Variants in GRID2 observed in about 807,000 individuals in gnomAD.
The protein encoded by GRID2 is glutamate ionotropic receptor delta type subunit 2, also known as glutamate receptor ionotropic, delta-2.
GRID2 carries 33 observed loss-of-function variants against 114.8 expected under a neutral mutation model. The observed-to-expected ratio is 0.29, with a 90% CI of 0.22 to 0.38. The LOEUF is 0.38. GRID2 is among the 10% of genes least tolerant of loss of function. GRID2 has a pLI of 1.00. For missense variants in GRID2, 1,184 were observed against 1,257.7 expected, an observed-to-expected ratio of 0.94 and a Z score of 0.89; for synonymous variants, 505 against 449.9, an observed-to-expected ratio of 1.12 and a Z score of -1.55.
At chr4:92,713,609 C>T (rs1299084587) in intron 2 of GRID2, among the ~76,000 whole-genome samples, 1 of 149,142 alleles carries the variant, frequency 6.7e-6, no homozygotes, top group Non-Finnish European at 1.5e-5. Flanking sequence ...GGGCAATTTG[C>T]AAAAGAAAGA....
chr4:92,998,625 A>G (rs1755345777), intron 2 of GRID2, among the ~76,000 whole-genome samples: 1 of 151,630 alleles, frequency 6.6e-6, no homozygotes. Flanking sequence ...AGCTGAAATT[A>G]TTTACAGAAT....
chr4:92,306,557 GCTC>G (rs1402097064), intron 1 of GRID2, among the ~76,000 whole-genome samples: 1 of 152,172 alleles, frequency 6.6e-6, no homozygotes, highest in Non-Finnish European at 1.5e-5. Context: ...TCTGATGTAG[GCTC>G]CTCATCTCTC....
chr4:92,534,532 G>T (rs1268926941), intron 1 of GRID2, among the ~76,000 whole-genome samples: 1 of 152,144 alleles, frequency 6.6e-6, no homozygotes, highest in Non-Finnish European at 1.5e-5. Context: ...TACTTCTTAT[G>T]TGACCACAGG....
In GRID2 at chr4:92,418,564, G is replaced by A. The variant is rs1316537322; in HGVS notation, c.88+113820G>A. Among the ~76,000 whole-genome samples, 6 of 152,032 alleles carry A rather than the reference G, an allele frequency of 3.9e-5. No individual in the cohort carries two copies. In the East Asian group the frequency reaches 1.2e-3, roughly 29 times the overall value. ...AATGGTGGCATGGACAGAAAGAATT[G>A]GAGGCAGATCAGAGATTTAAATATG... On this transcript the variant is annotated intron_variant, in intron 1 of 15. Transcript: ENST00000282020.
chr4:93,577,735 A>G (rs565376307), intron 13 of GRID2, among the ~76,000 whole-genome samples: 10 of 152,314 alleles, frequency 6.6e-5, no homozygotes, highest in African/African-American at 9.6e-5. Context: ...ACTCCCCTTT[A>G]CAAAGTGAAA....
intron 4 of GRID2, among the ~76,000 whole-genome samples, chr4:93,124,099 A>G (rs1734047651): frequency 8.5e-6 from 1 of 118,162 alleles, no homozygotes; most frequent in Non-Finnish European, 1.7e-5. Flanking sequence ...TAAAACTTAA[A>G]GTATAATAAA....
At chr4:93,191,970 T>G (rs927277698) in intron 4 of GRID2, among the ~76,000 whole-genome samples, 2 of 152,230 alleles carry the variant, frequency 1.3e-5, no homozygotes, top group Non-Finnish European at 2.9e-5. Flanking sequence ...TTGTTCTTTT[T>G]ACACCTTCAC....
chr4:93,453,208 G>A (rs1722863019), intron 10 of GRID2, among the ~76,000 whole-genome samples: 1 of 151,316 alleles, frequency 6.6e-6, no homozygotes, highest in African/African-American at 2.4e-5. Flanking sequence ...ATATAAGTAA[G>A]GACTACCACA....
At chr4:93,009,830 C>T (rs1219810493) in intron 2 of GRID2, among the ~76,000 whole-genome samples, 1 of 152,028 alleles carries the variant, frequency 6.6e-6, no homozygotes, top group Non-Finnish European at 1.5e-5. Context: ...TGGTGAGATG[C>T]TTAAGCCTTT....
intron 2 of GRID2, among the ~76,000 whole-genome samples, chr4:92,923,585 T>C (rs1749545684): frequency 6.6e-6 from 1 of 152,174 alleles, no homozygotes; most frequent in Admixed American, 6.5e-5. Flanking sequence ...TTATTTTCTG[T>C]TATAAAAGCC....
At chr4:92,346,280 T>C (rs548977320) in intron 1 of GRID2, among the ~76,000 whole-genome samples, 1 of 152,308 alleles carries the variant, frequency 6.6e-6, no homozygotes, top group Non-Finnish European at 1.5e-5. Context: ...GAAATCAAAA[T>C]TTTATTCTCT....
At chr4:93,466,048 G>C (rs1724239933) in intron 11 of GRID2, among the ~76,000 whole-genome samples, 1 of 151,964 alleles carries the variant, frequency 6.6e-6, no homozygotes, top group Non-Finnish European at 1.5e-5. Flanking sequence ...TTAGGTTTTG[G>C]GGGGATTAAT....
intron 1 of GRID2, among the ~76,000 whole-genome samples, chr4:93,800,429 A>G (rs1466802914): frequency 6.6e-6 from 1 of 152,230 alleles, no homozygotes; most frequent in Non-Finnish European, 1.5e-5. Flanking sequence ...CCCAATTTCT[A>G]GAGATGTAAG....
intron 2 of GRID2, among the ~76,000 whole-genome samples, chr4:92,846,746 C>T (rs1194831856): frequency 3.3e-5 from 5 of 152,038 alleles, no homozygotes; most frequent in African/African-American, 1.2e-4. Flanking sequence ...AGATTGCACT[C>T]CAGTTTAAAT....
At chr4:93,190,541 T>G (rs1740881581) in intron 4 of GRID2, among the ~76,000 whole-genome samples, 1 of 152,160 alleles carries the variant, frequency 6.6e-6, no homozygotes, top group Non-Finnish European at 1.5e-5. Context: ...CATATCCAAC[T>G]CTCAACCCTA....
chr4:93,010,135 G>A (rs1462065696), intron 2 of GRID2, among the ~76,000 whole-genome samples: 1 of 151,692 alleles, frequency 6.6e-6, no homozygotes, highest in African/African-American at 2.4e-5. Context: ...TATTCACTTT[G>A]GTTTATTTGA....
intron 2 of GRID2, among the ~76,000 whole-genome samples, chr4:92,943,399 A>C (rs960551819): frequency 2.6e-5 from 4 of 152,126 alleles, no homozygotes; most frequent in Non-Finnish European, 1.5e-5. Flanking sequence ...CATTCATCAC[A>C]TAGTTCTCAT....
chr4:93,180,187 G>A (rs1272691822), intron 4 of GRID2, among the ~76,000 whole-genome samples: 2 of 151,838 alleles, frequency 1.3e-5, no homozygotes, highest in Non-Finnish European at 2.9e-5. Context: ...CCAAATACAG[G>A]CATATTTTGG....
rs540713653 is a variant in GRID2, at chr4:92,352,476, C to T, written c.88+47732C>T. ...TCCCATTCTGCAGGTGGTCCTTTCA[C>T]TTCGTTGATTGTTACGTTTTCTAGG... On this transcript the variant is annotated intron_variant, in intron 1 of 15. Transcript: ENST00000282020. 1.1e-4 allele frequency among the ~76,000 whole-genome samples: 16 copies of T among 151,892 alleles called. 1 individual carries two copies. In the South Asian group the frequency reaches 3.3e-3, roughly 31 times the overall value.
Sources: allele counts gnomAD v4.1 joint callset (sites outside exome capture counted in the v4.1 genomes callset), GRCh38; gene constraint gnomAD v4.1.1; transcripts MANE v1.5; gene names NCBI Gene and HGNC (gene_info 2026-07-23, HGNC 2026-07-21).